ZNF81: variants seen among roughly 807,000 people sequenced by gnomAD.
ZNF81 encodes zinc finger protein 81 (HFZ20).
A neutral mutation model predicts 32.3 loss-of-function variants in ZNF81; 5 were observed. The ratio of observed to expected loss-of-function variants is 0.15; its 90% confidence interval spans 0.08 to 0.33. The LOEUF (loss-of-function observed/expected upper bound fraction) is 0.33. Among genes scored for constraint, ZNF81 ranks in the 10% least tolerant of loss-of-function variants. The pLI is 1.00. For synonymous variants in ZNF81, 163 were observed against 166.8 expected, an observed-to-expected ratio of 0.98 and a Z score of 0.17; for missense variants, 379 against 479.8, an observed-to-expected ratio of 0.79 and a Z score of 1.96.
chrX:47,922,376 AT>A lies in ZNF81; in HGVS notation c.*5747del, dbSNP rs1556892067. ...GCTTGCTTTATTATTATTCAACAAT[AT>A]TTGTTTTGAATGGTTGCATGATAGT... On this transcript the variant is annotated 3_prime_UTR_variant, in exon 5 of 5. Coordinates refer to ENST00000338637, the MANE Select transcript of ZNF81 (RefSeq NM_007137.5). 1 of 112,478 alleles carries A rather than the reference AT, an allele frequency of 8.9e-6. No homozygotes were observed. Among genetic ancestry groups the A allele is most frequent in the East Asian group, 2.8e-4 (1 of 3,607 alleles). 9.3% of individuals were successfully genotyped at this position (112,478 alleles called of 1,213,427 possible).
rs1209404585 is a variant in ZNF81 at position 47,917,438 on chromosome X, G to A, written c.*806G>A. The A allele has an allele frequency of 1.7e-5, 5 of 289,485 alleles. No individual in the cohort carries two copies. The highest frequency in any genetic ancestry group is 3.0e-5 in the Non-Finnish European group (5 of 165,961). The allele number at this position is 289,485 out of a possible 1,213,427, so 23.9% of individuals were successfully genotyped here. A position where few individuals can be genotyped will look rare whatever the true frequency, so the allele number is the denominator to read the frequency against. On this transcript the variant is annotated 3_prime_UTR_variant, in exon 5 of 5. Coordinates refer to ENST00000338637, the MANE Select transcript of ZNF81 (RefSeq NM_007137.5). ...ACTACTTGACTTTGAACTTGGCCAC[G>A]TGACTTTCTTTGGCCAATGGAAATT...
At chrX:47,897,182 AT>A (rs1248999039) in intron 4 of ZNF81, among the ~76,000 whole-genome samples, 1 of 112,513 alleles carries the variant, frequency 8.9e-6, no homozygotes, top group East Asian at 2.8e-4. Flanking sequence ...ACCACTTTAC[AT>A]TCCCAGCAGC....
chrX:47,839,164 A>T (rs1330132374), intron 1 of ZNF81, among the ~76,000 whole-genome samples: 1 of 111,739 alleles, frequency 8.9e-6, no homozygotes, highest in Admixed American at 9.5e-5. Flanking sequence ...GTTTTCTGGA[A>T]GAGACTGTGT....
chrX:47,840,761 G>A (rs1741886366), intron 1 of ZNF81, among the ~76,000 whole-genome samples: 1 of 111,703 alleles, frequency 9.0e-6, no homozygotes, highest in Non-Finnish European at 1.9e-5. Context: ...GCCCGCTTTG[G>A]CCTCCCAAAG....
rs782009521 is a variant in ZNF81 at position 47,877,059 on chromosome X, T to C, written c.55-10940T>C. 3.6e-5 allele frequency among the ~76,000 whole-genome samples: 4 copies of C among 112,207 alleles called. No individual in the cohort carries two copies. In the South Asian group the frequency reaches 1.5e-3, roughly 42 times the overall value. ...ATTCACAGCACAAGCATGTAAAACA[T>C]CATGCCAGTGATACACTCAGCCATG... is the stretch of plus-strand genomic sequence containing the variant. On this transcript the variant is annotated intron_variant, in intron 2 of 4. Transcript: ENST00000338637.
At chrX:47,867,100 G>A (rs972487101) in intron 2 of ZNF81, among the ~76,000 whole-genome samples, 1 of 111,142 alleles carries the variant, frequency 9.0e-6, no homozygotes, top group African/African-American at 3.3e-5. Context: ...TGGAGCCTGT[G>A]GGGGGTTAGG....
At chrX:47,867,354 A>G (rs2058564016) in intron 2 of ZNF81, among the ~76,000 whole-genome samples, 1 of 112,393 alleles carries the variant, frequency 8.9e-6, no homozygotes, top group Admixed American at 9.4e-5. Flanking sequence ...ATTTACAAAT[A>G]CAAGTTTTTT....
At chrX:47,913,239 A>G (rs2058745125) in intron 4 of ZNF81, among the ~76,000 whole-genome samples, 1 of 112,246 alleles carries the variant, frequency 8.9e-6, no homozygotes, top group African/African-American at 3.2e-5. Flanking sequence ...TTGTTATAAC[A>G]GAAAAAAAAA....
intron 2 of ZNF81, among the ~76,000 whole-genome samples, chrX:47,885,133 T>C (rs1556885605): frequency 1.8e-5 from 2 of 112,448 alleles, no homozygotes; most frequent in Non-Finnish European, 3.8e-5. Context: ...ACTTCTTCTG[T>C]TGAGCAGTAA....
At position 47,921,004 on chromosome X, in the gene ZNF81, A is replaced by G. The variant is rs2058775016; in HGVS notation, c.*4372A>G. On this transcript the variant is annotated 3_prime_UTR_variant, in exon 5 of 5. Coordinates refer to ENST00000338637, the MANE Select transcript of ZNF81 (RefSeq NM_007137.5). ...TCTTAGCTCTCTGATGGGTTCGAGA[A>G]AACTTATGTTTTTGCAGATTACCCA... 1 of 111,155 alleles carries G rather than the reference A, an allele frequency of 9.0e-6. No homozygotes were observed. Among genetic ancestry groups the G allele is most frequent in the African/African-American group, 3.3e-5 (1 of 30,556 alleles). The allele number at this position is 111,155 out of a possible 1,213,427, so 9.2% of individuals were successfully genotyped here. A position where few individuals can be genotyped will look rare whatever the true frequency, so the allele number is the denominator to read the frequency against.
intron 2 of ZNF81, among the ~76,000 whole-genome samples, chrX:47,859,836 A>G (rs1214113221): frequency 9.0e-6 from 1 of 111,499 alleles, no homozygotes; most frequent in Non-Finnish European, 1.9e-5. Context: ...CAGGTGATGC[A>G]CAGTGGGTCG....
chrX:47,859,219 A>G (rs1436649163), intron 2 of ZNF81, among the ~76,000 whole-genome samples: 1 of 111,841 alleles, frequency 8.9e-6, no homozygotes, highest in East Asian at 2.8e-4. Context: ...TTATAACACT[A>G]TTAACTGTCC....
intron 2 of ZNF81, among the ~76,000 whole-genome samples, chrX:47,881,554 C>T (rs2058620851): frequency 9.0e-6 from 1 of 111,686 alleles, no homozygotes; most frequent in Non-Finnish European, 1.9e-5. Flanking sequence ...GAGCTGTTTG[C>T]TCTTTACTTA....
chrX:47,900,076 T>TG (rs1209816442), intron 4 of ZNF81, among the ~76,000 whole-genome samples: 2 of 111,140 alleles, frequency 1.8e-5, no homozygotes, highest in Non-Finnish European at 3.8e-5. Flanking sequence ...ATTTGTAATT[T>TG]GGGGGGGTTA....
chrX:47,884,729 A>G (rs2058634800), intron 2 of ZNF81, among the ~76,000 whole-genome samples: 1 of 111,846 alleles, frequency 8.9e-6, no homozygotes, highest in Non-Finnish European at 1.9e-5. Flanking sequence ...GAAATCCTAA[A>G]TTTCAGAGAG....
At chrX:47,890,811 G>A (rs924855852) in intron 3 of ZNF81, among the ~76,000 whole-genome samples, 5 of 112,122 alleles carry the variant, frequency 4.5e-5, no homozygotes, top group Admixed American at 1.9e-4. Flanking sequence ...TATAGGAGGG[G>A]CCAGATACAA....
chrX:47,912,204 C>T (rs2058741693), intron 4 of ZNF81, among the ~76,000 whole-genome samples: 1 of 109,469 alleles, frequency 9.1e-6, no homozygotes, highest in Non-Finnish European at 1.9e-5. Flanking sequence ...GCTTCTGAAG[C>T]CATGCCTAGG....
rs1401292133 is a variant in ZNF81, at chrX:47,918,567, C to T, written c.*1935C>T. 1.8e-5 allele frequency: 2 copies of T among 111,419 alleles called. No individual in the cohort carries two copies. The highest frequency in any genetic ancestry group is 3.8e-5 in the Non-Finnish European group (2 of 53,066). 9.2% of individuals were successfully genotyped at this position (111,419 alleles called of 1,213,427 possible). A position where few individuals can be genotyped will look rare whatever the true frequency, so the allele number is the denominator to read the frequency against. ...TAATAGAGTTTTACTAGTAAAACTA[C>T]CTCCAGGTTGGACTTCCAGGGACTG... is the stretch of plus-strand genomic sequence containing the variant. On this transcript the variant is annotated 3_prime_UTR_variant, in exon 5 of 5. Coordinates refer to ENST00000338637, the MANE Select transcript of ZNF81 (RefSeq NM_007137.5).
intron 1 of ZNF81, among the ~76,000 whole-genome samples, chrX:47,842,922 G>A (rs781823461): frequency 8.9e-6 from 1 of 111,907 alleles, no homozygotes; most frequent in Non-Finnish European, 1.9e-5. Context: ...CACCACACTC[G>A]GTTTCTTTTC....
Sources: gnomAD v4.1 joint callset for allele counts (sites outside exome capture counted in the v4.1 genomes callset) on GRCh38, gnomAD v4.1.1 for gene constraint, MANE v1.5 for transcripts, NCBI Gene and HGNC (gene_info 2026-07-23, HGNC 2026-07-21) for gene names.